HMGN4: variants seen among roughly 807,000 people sequenced by gnomAD.
HMGN4 encodes high mobility group nucleosomal binding domain 4, also known as high mobility group nucleosome-binding domain-containing protein 4.
For synonymous variants in HMGN4, 39 were observed against 39.1 expected (o/e 1.00, Z 0.01); for missense variants, 69 against 104.9 (o/e 0.66, Z 1.49).
In HMGN4 at chr6:26,545,190, C is replaced by A. The variant is rs16891790; in HGVS notation, c.-17C>A. ...CCAACAGGACTGCTCAAGCCACCTG[C>A]GAACACTGCTGCTACCATGCCCAAG... is the stretch of plus-strand genomic sequence containing the variant. On this transcript the variant is annotated 5_prime_UTR_variant, in exon 2 of 2. Transcript: ENST00000377575. 6 of 1,582,476 alleles carry A rather than the reference C, an allele frequency of 3.8e-6. No homozygotes were observed. In the African/African-American group the frequency reaches 4.1e-5, roughly 11 times the overall value.
Position 26,539,412 on chromosome 6 carries a change from G to T in HMGN4, c.-81+911G>T, listed in dbSNP as rs371494541. Reference sequence around the variant, plus strand: ...AGGCTCCCGAGCAGCTGGGACTACAGGTGTGTAACACTACACCCGGATAAT... The same window carrying T: ...AGGCTCCCGAGCAGCTGGGACTACATGTGTGTAACACTACACCCGGATAAT... On this transcript the variant is annotated intron_variant, in intron 1 of 1. Coordinates refer to ENST00000377575, the MANE Select transcript of HMGN4 (RefSeq NM_006353.3). 2.2e-4 allele frequency among the ~76,000 whole-genome samples: 34 copies of T among 152,178 alleles called. 1 individual carries two copies. The South Asian group carries it at 4.6e-3, about 20-fold the overall frequency.
In HMGN4 at chr6:26,542,363, T is replaced by C. The variant is rs1344829737; in HGVS notation, c.-80-2764T>C. On this transcript the variant is annotated intron_variant, in intron 1 of 1. Coordinates refer to ENST00000377575, the MANE Select transcript of HMGN4 (RefSeq NM_006353.3). This position sits in a 1 kb window ranked among gnomAD's most constrained non-coding sequence, Gnocchi z 4.6. The stretch of plus-strand genomic sequence containing the variant: ...TTTGTTACAAATGATGAACTAATAT[T>C]GATAGCTTATTATTAACTAAAATAT... 6.6e-6 allele frequency among the ~76,000 whole-genome samples: 1 copy of C among 152,206 alleles called. No individual in the cohort carries two copies. The highest frequency in any genetic ancestry group is 6.5e-5 in the Admixed American group (1 of 15,278).
intron 1 of HMGN4, among the ~76,000 whole-genome samples, chr6:26,539,250 C>A (rs1310598163): frequency 2.0e-5 from 3 of 152,152 alleles, no homozygotes; most frequent in Admixed American, 6.5e-5. Context: ...TCCAGGTTCC[C>A]TCAAATGACT....
intron 1 of HMGN4, among the ~76,000 whole-genome samples, chr6:26,540,568 A>C (rs1274224825): frequency 2.0e-5 from 3 of 152,126 alleles, no homozygotes; most frequent in Non-Finnish European, 4.4e-5. Context: ...TCCTGACCTC[A>C]AGTGATCCAC....
chr6:26,539,649 A>G (rs1304471720), intron 1 of HMGN4, among the ~76,000 whole-genome samples: 11 of 144,040 alleles, frequency 7.6e-5, no homozygotes, highest in African/African-American at 1.8e-4. Context: ...AAAAAAAAAA[A>G]AAAAGAAAAG....
At chr6:26,539,394 C>G (rs960111571) in intron 1 of HMGN4, among the ~76,000 whole-genome samples, 1 of 152,140 alleles carries the variant, frequency 6.6e-6, no homozygotes, top group African/African-American at 2.4e-5. Flanking sequence ...CTCAGGCTCC[C>G]GAGCAGCTGG....
chr6:26,545,659 C>T lies in HMGN4; in HGVS notation c.*180C>T, dbSNP rs1260394320. On this transcript the variant is annotated 3_prime_UTR_variant, in exon 2 of 2. Coordinates refer to ENST00000377575, the MANE Select transcript of HMGN4 (RefSeq NM_006353.3). ...CAAGTACCACTAATAGGGTGTATCT[C>T]AGAAACTGAATTGAAATAAGGGAAA... The T allele has an allele frequency of 2.5e-6, 1 of 400,532 alleles. No homozygotes were observed. The highest frequency in any genetic ancestry group is 2.1e-5 in the African/African-American group (1 of 48,286). 24.8% of individuals were successfully genotyped at this position (400,532 alleles called of 1,614,324 possible).
intron 1 of HMGN4, among the ~76,000 whole-genome samples, chr6:26,544,644 C>G (rs944852607): frequency 2.0e-5 from 3 of 152,158 alleles, no homozygotes; most frequent in Admixed American, 6.5e-5. Context: ...TTACAAATAA[C>G]CACTGTTTCC....
chr6:26,545,749 T>C lies in HMGN4; in HGVS notation c.*270T>C, dbSNP rs1211034763. 5 of 218,348 alleles carry C rather than the reference T, an allele frequency of 2.3e-5. No individual in the cohort carries two copies. The highest frequency in any genetic ancestry group is 4.9e-5 in the Non-Finnish European group (5 of 102,016). 13.5% of individuals were successfully genotyped at this position (218,348 alleles called of 1,614,324 possible). ...TTCCCTTGATTCCCAGGAGAGATTC[T>C]CTGACATTCACGTGTCAGCCACTTT... On this transcript the variant is annotated 3_prime_UTR_variant, in exon 2 of 2. Coordinates refer to ENST00000377575, the MANE Select transcript of HMGN4 (RefSeq NM_006353.3).
chr6:26,540,029 G>A (rs935662800), intron 1 of HMGN4: 2 of 152,270 alleles, frequency 1.3e-5, no homozygotes, highest in African/African-American at 2.4e-5. Flanking sequence ...CCTGGAAGGT[G>A]AGTGTGCCCC....
chr6:26,542,286 C>A lies in HMGN4; in HGVS notation c.-80-2841C>A, dbSNP rs1046959776. On this transcript the variant is annotated intron_variant, in intron 1 of 1. Transcript: ENST00000377575. This position sits in a 1 kb window ranked among gnomAD's most constrained non-coding sequence, Gnocchi z 4.6. ...TACAGAGTTCCCACATACTTCCTTTCCCCCACCTCAGTTTCTCCTAAGTTA... is the reference window on the plus strand; with the variant it reads ...TACAGAGTTCCCACATACTTCCTTTACCCCACCTCAGTTTCTCCTAAGTTA... 1.3e-5 allele frequency among the ~76,000 whole-genome samples: 2 copies of A among 152,112 alleles called. No homozygotes were observed. The highest frequency in any genetic ancestry group is 4.8e-5 in the African/African-American group (2 of 41,418).
At chr6:26,538,970 T>C (rs1016643365) in intron 1 of HMGN4, among the ~76,000 whole-genome samples, 2 of 152,166 alleles carry the variant, frequency 1.3e-5, no homozygotes, top group African/African-American at 4.8e-5. Flanking sequence ...CTTTGACCTT[T>C]TGCTATTCCA....
At chr6:26,544,645 C>T (rs1041060133) in intron 1 of HMGN4, among the ~76,000 whole-genome samples, 11 of 152,076 alleles carry the variant, frequency 7.2e-5, no homozygotes, top group African/African-American at 2.7e-4. Context: ...TACAAATAAC[C>T]ACTGTTTCCA....
chr6:26,544,066 A>T lies in HMGN4; in HGVS notation c.-80-1061A>T, dbSNP rs182120531. On this transcript the variant is annotated intron_variant, in intron 1 of 1. Coordinates refer to ENST00000377575, the MANE Select transcript of HMGN4 (RefSeq NM_006353.3). ...CCCACATTTTTTAGTACTTTTATTA[A>T]TTCTTGAGCAGACACATACAATTTT... Among the ~76,000 whole-genome samples the T allele has an allele frequency of 9.4e-4, 143 of 152,188 alleles. 1 individual carries two copies. In the East Asian group the frequency reaches 0.026, roughly 28 times the overall value.
At chr6:26,545,106 G>A (rs529020557) in intron 1 of HMGN4, 21 bp from the exon 2 acceptor site, 3 of 1,011,866 alleles carry the variant, frequency 3.0e-6, no homozygotes, top group Non-Finnish European at 4.2e-6. Context: ...TATGGTTTAC[G>A]CTTTTTGTGT....
rs546530983 is a variant in HMGN4 at position 26,542,864 on chromosome 6, G to C, written c.-80-2263G>C. Among the ~76,000 whole-genome samples, 182 of 152,162 alleles carry C rather than the reference G, an allele frequency of 1.2e-3. No homozygotes were observed. The highest frequency in any genetic ancestry group is 2.3e-3 in the Non-Finnish European group (159 of 68,044). ...GATCATGGCCCCCCTACTTCGGATG[G>C]ACTTCAATGGATCTAACTCGAAGAA... is the stretch of plus-strand genomic sequence containing the variant. On this transcript the variant is annotated intron_variant, in intron 1 of 1. Coordinates refer to ENST00000377575, the MANE Select transcript of HMGN4 (RefSeq NM_006353.3). The surrounding 1 kb of genome is among the most constrained non-coding windows in gnomAD (Gnocchi z 4.6).
chr6:26,545,419 A>G lies in HMGN4; in HGVS notation c.213A>G (p.Lys71=), dbSNP rs991087301. 2.5e-6 allele frequency: 4 copies of G among 1,609,124 alleles called. No individual in the cohort carries two copies. The African/African-American group carries it at 5.4e-5, about 22-fold the overall frequency. ...GAAAGGATGGGAACAACCCTGCAAA[A>G]AACCGAGATGCCTCTACACTCCAGT... ...DAGKDGNNPA[K]NRDASTLQSQ... is the part of the protein sequence containing the mutation. The change falls in exon 2 of 2, where the codon AAA becomes AAG. Residue 71 remains lysine (K), a synonymous_variant. Transcript: ENST00000377575.
At position 26,545,185 on chromosome 6, in the gene HMGN4, A is replaced by G. The variant is rs751157066; in HGVS notation, c.-22A>G. On this transcript the variant is annotated 5_prime_UTR_variant, in exon 2 of 2. Transcript: ENST00000377575. ...AGCACCCAACAGGACTGCTCAAGCC[A>G]CCTGCGAACACTGCTGCTACCATGC... 6.3e-7 allele frequency: 1 copy of G among 1,575,628 alleles called. No homozygotes were observed. Among genetic ancestry groups the G allele is most frequent in the Non-Finnish European group, 8.6e-7 (1 of 1,161,384 alleles).
In HMGN4 at chr6:26,543,421, C is replaced by CTTTTTT. The variant is rs70977285; in HGVS notation, c.-80-1693_-80-1688dup. Among the ~76,000 whole-genome samples the CTTTTTT allele has an allele frequency of 6.2e-5, 5 of 80,136 alleles. 1 individual carries two copies. The highest frequency in any genetic ancestry group is 1.7e-4 in the African/African-American group (3 of 17,692). 52.6% of individuals were successfully genotyped at this position (80,136 alleles called of 152,430 possible). ...CTGTATGTCTCAGTGGCACCATTAC[C>CTTTTTT]TTTTTTTTTTTTTTTTTTGAAGCAG... On this transcript the variant is annotated intron_variant, in intron 1 of 1. Coordinates refer to ENST00000377575, the MANE Select transcript of HMGN4 (RefSeq NM_006353.3).
Sources: allele counts gnomAD v4.1 joint callset (sites outside exome capture counted in the v4.1 genomes callset), GRCh38; gene constraint gnomAD v4.1.1; non-coding constraint Gnocchi (gnomAD v3.1); transcripts MANE v1.5; gene names NCBI Gene and HGNC (gene_info 2026-07-23, HGNC 2026-07-21).